Variants in UBR1 observed in about 807,000 individuals in gnomAD.
UBR1 encodes the protein ubiquitin protein ligase E3 component n-recognin 1.
In UBR1, 102 loss-of-function variants were observed where a neutral mutation model predicts 242.1. The ratio of observed to expected loss-of-function variants is 0.42; its 90% CI spans 0.36 to 0.50. The LOEUF (loss-of-function observed/expected upper bound fraction) is 0.50, where lower values mean the gene tolerates loss of function less well. UBR1 is among the 20% of genes least tolerant of loss of function. The probability of loss-of-function intolerance (pLI) is 0.01; values close to 1 mark genes in which losing one functional copy is unlikely to be tolerated. For missense variants in UBR1, 1,772 were observed against 2,101.8 expected (o/e 0.84, Z 3.07); for synonymous variants, 675 against 684.8 (o/e 0.99, Z 0.22).
rs773984002 is a variant in UBR1, at chr15:43,070,869, A to C, written c.585T>G (p.Pro195=). Residue 195 remains proline, a synonymous_variant, in exon 5 of 47, where the codon CCT becomes CCG. Transcript: ENST00000290650. The part of the protein sequence containing the change: ...EVIVQARKIF[P]SVIKYVVEMT... The stretch of plus-strand genomic sequence containing the variant: ...TTTCTACGACATATTTTATCACTGA[A>C]GGAAATATTTTCCTGGCTTGGACAA... 10 of 1,613,878 alleles carry C rather than the reference A, an allele frequency of 6.2e-6. No homozygotes were observed. The highest frequency in any genetic ancestry group is 8.5e-6 in the Non-Finnish European group (10 of 1,179,984).
At chr15:43,050,931 G>A (rs1014325251) in intron 12 of UBR1, among the ~76,000 whole-genome samples, 3 of 152,112 alleles carry the variant, frequency 2.0e-5, no homozygotes, top group African/African-American at 7.2e-5. Flanking sequence ...AGTCACAGAC[G>A]CTGGGGAGGT....
In UBR1 at chr15:43,059,203, A is replaced by AAGAGGTC. The variant is rs1355894232; in HGVS notation, c.986-18_986-12dup. On this transcript the variant is annotated splice_polypyrimidine_tract_variant and intron_variant, in intron 8 of 46. Transcript: ENST00000290650. ...TCTGCCTAAAGTCACCTACAAACAAAAGAGGTCACACAGTTACACAACTTG... is the reference window on the plus strand; with the variant it reads ...TCTGCCTAAAGTCACCTACAAACAAAAGAGGTCAGAGGTCACACAGTTACACAACTTG... 3 of 1,603,912 alleles carry AAGAGGTC rather than the reference A, an allele frequency of 1.9e-6. No individual in the cohort carries two copies. Among genetic ancestry groups the AAGAGGTC allele is most frequent in the Non-Finnish European group, 2.6e-6 (3 of 1,171,048 alleles).
At chr15:43,074,804 G>C (rs752909099) in intron 4 of UBR1, among the ~76,000 whole-genome samples, 175 bp downstream of exon 4, 8 of 152,026 alleles carry the variant, frequency 5.3e-5, no homozygotes, top group Non-Finnish European at 1.0e-4. Context: ...TCTCTCTTTA[G>C]AGACATTATC....
In UBR1 at chr15:42,945,295, G is replaced by A. The variant is rs182619531; in HGVS notation, c.*34C>T. 57 of 1,613,822 alleles carry A rather than the reference G, an allele frequency of 3.5e-5. No individual in the cohort carries two copies. Among genetic ancestry groups the A allele is most frequent in the African/African-American group, 1.9e-4 (14 of 74,980 alleles). On this transcript the variant is annotated 3_prime_UTR_variant, in exon 47 of 47. Transcript: ENST00000290650. ...TTTTGAATCAGCCTTTACTACTGTC[G>A]TCATTTGTGATTGTCTTGAGGCAGA... is the stretch of plus-strand genomic sequence containing the variant.
At chr15:43,093,971 G>A (rs1423864589) in intron 1 of UBR1, among the ~76,000 whole-genome samples, 1 of 151,878 alleles carries the variant, frequency 6.6e-6, no homozygotes, top group Non-Finnish European at 1.5e-5. Context: ...TTCATTTCAT[G>A]GCTAAACTGA....
intron 27 of UBR1, among the ~76,000 whole-genome samples, chr15:43,019,247 T>G (rs2033071583): frequency 6.6e-6 from 1 of 152,094 alleles, no homozygotes; most frequent in African/African-American, 2.4e-5. Flanking sequence ...GTATTTTTAG[T>G]AGAGACGGGG....
At chr15:43,004,382 C>T (rs985425803) in intron 30 of UBR1, among the ~76,000 whole-genome samples, 2 of 151,898 alleles carry the variant, frequency 1.3e-5, no homozygotes, top group East Asian at 1.9e-4. Context: ...CCCTCCTCTC[C>T]CTCTCCCTGT....
intron 6 of UBR1, among the ~76,000 whole-genome samples, chr15:43,061,884 C>T (rs1474254953): frequency 6.6e-6 from 1 of 151,810 alleles, no homozygotes; most frequent in Non-Finnish European, 1.5e-5. Flanking sequence ...ATGGGTGCAT[C>T]AAAATCTCAC....
At chr15:43,004,625 C>A (rs1423313803) in intron 30 of UBR1, among the ~76,000 whole-genome samples, 3 of 152,242 alleles carry the variant, frequency 2.0e-5, no homozygotes, top group South Asian at 2.1e-4. Flanking sequence ...GAGTGATCTG[C>A]CTGCCTCAGC....
Position 43,059,132 on chromosome 15 carries a change from G to T in UBR1, c.1046C>A (p.Pro349His), listed in dbSNP as rs374557254. The change falls in exon 9 of 47, where the codon CCC becomes CAC. Residue 349 changes from proline (P) to histidine (H), a missense_variant. Around this residue, in one of 3 missense-constraint regions of UBR1, gnomAD observed 734 missense variants for 893.3 expected, o/e 0.82. Transcript: ENST00000290650. The stretch of plus-strand genomic sequence containing the variant: ...AAGCATTAACCTGCTTATGAGACAG[G>T]GATTCTCCGAGTCAGGTTCTTCTCT... ...CLREEPDSEN[P>H]CLISRLMLWD... 5.0e-6 allele frequency: 8 copies of T among 1,613,926 alleles called. No individual in the cohort carries two copies. In the African/African-American group the frequency reaches 1.1e-4, roughly 22 times the overall value.
At chr15:43,022,676 T>G in intron 26 of UBR1, 26 bp downstream of exon 26, 1 of 1,476,078 alleles carries the variant, frequency 6.8e-7, no homozygotes, top group Non-Finnish European at 9.5e-7. Flanking sequence ...ATGACAAATG[T>G]GTTGAAGAGT....
At chr15:43,044,190 C>G (rs925744707) in intron 14 of UBR1, among the ~76,000 whole-genome samples, 53 of 152,342 alleles carry the variant, frequency 3.5e-4, no homozygotes, top group African/African-American at 1.3e-3. Context: ...TGCCTTGGCA[C>G]AGGCATGTGA....
chr15:42,954,982 G>T (rs1223916374), intron 44 of UBR1, among the ~76,000 whole-genome samples: 1 of 151,970 alleles, frequency 6.6e-6, no homozygotes, highest in Non-Finnish European at 1.5e-5. Context: ...GCCTGGCCAA[G>T]ATAGTGAAAC....
chr15:43,085,758 C>CGCAT (rs2034027540), intron 2 of UBR1, among the ~76,000 whole-genome samples: 2 of 151,332 alleles, frequency 1.3e-5, no homozygotes, highest in African/African-American at 4.9e-5. Context: ...GTGGCGGGTG[C>CGCAT]CTGTAATCCC....
Position 42,950,204 on chromosome 15 carries a change from ACAAT to A in UBR1, c.5108+54_5108+57del, listed in dbSNP as rs1284214522. 78 of 1,401,264 alleles carry A rather than the reference ACAAT, an allele frequency of 5.6e-5. 1 individual carries two copies. The highest frequency in any genetic ancestry group is 7.7e-5 in the Non-Finnish European group (76 of 986,522). The allele number at this position is 1,401,264 out of a possible 1,614,324, so 86.8% of individuals were successfully genotyped here. A position where few individuals can be genotyped will look rare whatever the true frequency, so the allele number is the denominator to read the frequency against. ...TACAATAATGTGACTGAAATAGAAA[ACAAT>A]CAACATAAAAGAGAACTTACTGAAA... On this transcript the variant is annotated intron_variant, in intron 46 of 46. Transcript: ENST00000290650.
In UBR1 at chr15:43,059,157, T is replaced by C; in HGVS notation, c.1021A>G (p.Arg341Gly). The stretch of plus-strand genomic sequence containing the variant: ...GGATTCTCCGAGTCAGGTTCTTCTC[T>C]AAGGCATGCTTGGCAAAAGATCTGC... ...FRQIFCQACL[R>G]EEPDSENPCL... Residue 341 changes from arginine (R) to glycine (G), a missense_variant, in exon 9 of 47, where the codon AGA (arginine) becomes GGA (glycine). By Grantham distance (125) the Arg-to-Gly change is moderately radical. Coordinates refer to ENST00000290650, the MANE Select transcript of UBR1 (RefSeq NM_174916.3). 3 of 1,614,162 alleles carry C rather than the reference T, an allele frequency of 1.9e-6. No individual in the cohort carries two copies. The highest frequency in any genetic ancestry group is 2.5e-6 in the Non-Finnish European group (3 of 1,180,024).
chr15:43,016,581 G>A (rs1234665712), intron 28 of UBR1, among the ~76,000 whole-genome samples: 1 of 152,008 alleles, frequency 6.6e-6, no homozygotes, highest in Non-Finnish European at 1.5e-5. Context: ...ATGGTATTTT[G>A]GTTTTTTGTT....
At position 43,022,835 on chromosome 15, in the gene UBR1, C is replaced by T. The variant is rs769060620; in HGVS notation, c.2740-34G>A. ...GGAAAATAAGAGATCTTTAAAATTG[C>T]GCTTCTTCAGGTAAATATATTTTTA... On this transcript the variant is annotated intron_variant, in intron 25 of 46. Coordinates refer to ENST00000290650, the MANE Select transcript of UBR1 (RefSeq NM_174916.3). 18 of 1,346,542 alleles carry T rather than the reference C, an allele frequency of 1.3e-5. No individual in the cohort carries two copies. The East Asian group carries it at 1.4e-4, about 10-fold the overall frequency. The allele number at this position is 1,346,542 out of a possible 1,614,324, so 83.4% of individuals were successfully genotyped here.
At position 43,038,179 on chromosome 15, in the gene UBR1, C is replaced by T; in HGVS notation, c.1903G>A (p.Val635Met). ...TTAGTAGAATCACTTACAAAAGACA[C>T]AAATTCATGCAGTCTTGAAACAGCA... ...LGAVSRLHEF[V>M]SFEDFQVEVL... is the part of the protein sequence containing the mutation. The change falls in exon 16 of 47, where the codon GTG (valine) becomes ATG (methionine). Residue 635 changes from valine to methionine, a missense_variant. Physicochemically the swap from Val to Met is conservative, Grantham distance 21. Around this residue, in one of 3 missense-constraint regions of UBR1, gnomAD observed 734 missense variants for 893.3 expected, o/e 0.82. Transcript: ENST00000290650. The T allele has an allele frequency of 6.2e-7, 1 of 1,613,984 alleles. No homozygotes were observed.
Sources: gnomAD v4.1 joint callset for allele counts (sites outside exome capture counted in the v4.1 genomes callset) on GRCh38, gnomAD v4.1.1 for gene constraint, gnomAD v4.1.1 regional missense constraint, MANE v1.5 for transcripts, NCBI Gene and HGNC (gene_info 2026-07-23, HGNC 2026-07-21) for gene names.